The following IL9R variants were observed in gnomAD, a reference collection of about 807,000 sequenced individuals.
IL9R encodes the protein interleukin-9 receptor.
Under a neutral mutation model 56.3 loss-of-function variants are expected in IL9R, and 54 were observed. The observed-to-expected ratio is 0.96, with a 90% CI of 0.77 to 1.20. IL9R has a LOEUF of 1.20. Among genes scored for constraint, IL9R ranks in the 50% most tolerant of loss-of-function variants. The probability of loss-of-function intolerance (pLI) is 0.00; values close to 1 mark genes in which losing one functional copy is unlikely to be tolerated. For synonymous variants in IL9R, 212 were observed against 250.2 expected, an observed-to-expected ratio of 0.85 and a Z score of 1.44; for missense variants, 545 against 629.8, an observed-to-expected ratio of 0.87 and a Z score of 1.44.
In IL9R at chrX:156,002,866, G is replaced by A. The variant is rs374330761; in HGVS notation, c.29-40G>A. The stretch of plus-strand genomic sequence containing the variant: ...TTCATGGGGAGCACCCCTCCAGAGA[G>A]GGATGATTTGCACAGGGCCCTCAGC... On this transcript the variant is annotated intron_variant, in intron 1 of 8. Transcript: ENST00000244174. 8 of 1,612,960 alleles carry A rather than the reference G, an allele frequency of 5.0e-6. No homozygotes were observed. In the South Asian group the frequency reaches 6.6e-5, roughly 13 times the overall value.
chrX:156,000,171 T>C (rs1487760481), intron 1 of IL9R, among the ~76,000 whole-genome samples: 2 of 150,138 alleles, frequency 1.3e-5, no homozygotes. Context: ...CACACATATA[T>C]ATATGCATAA....
chrX:156,000,376 A>C (rs2067436938), intron 1 of IL9R, among the ~76,000 whole-genome samples: 1 of 152,238 alleles, frequency 6.6e-6, no homozygotes, highest in East Asian at 1.9e-4. Context: ...GAAGCAGGGC[A>C]GGCAGGCTAT....
chrX:156,006,206 G>A lies in IL9R; in HGVS notation c.887+18G>A, dbSNP rs2124531198. On this transcript the variant is annotated intron_variant, in intron 7 of 8. Transcript: ENST00000244174. ...TCGCCCAGGTAGGTGGCTGATGTGT[G>A]CGTGTGTGTACATGTGTGAGCGGGC... is the stretch of plus-strand genomic sequence containing the variant. 1 of 928,254 alleles carries A rather than the reference G, an allele frequency of 1.1e-6. No individual in the cohort carries two copies. The highest frequency in any genetic ancestry group is 2.4e-5 in the East Asian group (1 of 41,844). 57.5% of individuals were successfully genotyped at this position (928,254 alleles called of 1,614,324 possible). A position where few individuals can be genotyped will look rare whatever the true frequency, so the allele number is the denominator to read the frequency against.
chrX:156,006,437 G>A (rs751494578), intron 7 of IL9R, among the ~76,000 whole-genome samples: 11 of 149,120 alleles, frequency 7.4e-5, no homozygotes, highest in Non-Finnish European at 8.9e-5. Context: ...GGGAAGGGGG[G>A]TCTGAGGCAG....
chrX:156,002,299 A>G (rs2067584972), intron 1 of IL9R, among the ~76,000 whole-genome samples: 1 of 152,112 alleles, frequency 6.6e-6, no homozygotes, highest in Non-Finnish European at 1.5e-5. Context: ...GCAGTGAGCC[A>G]AGATCACACC....
chrX:155,998,496 T>C (rs2067290761), intron 1 of IL9R, among the ~76,000 whole-genome samples: 1 of 152,078 alleles, frequency 6.6e-6, no homozygotes, highest in Admixed American at 6.5e-5. Context: ...CTTCCTGTGA[T>C]TTATGCTGTT....
chrX:156,002,801 G>C, intron 1 of IL9R, 105 bp from the exon 2 acceptor site: 1 of 1,510,822 alleles, frequency 6.6e-7, no homozygotes, highest in Non-Finnish European at 9.2e-7. Flanking sequence ...CACTGTGTGA[G>C]TGCAGGTGGG....
At chrX:156,000,589 C>G (rs2067452768) in intron 1 of IL9R, among the ~76,000 whole-genome samples, 1 of 152,186 alleles carries the variant, frequency 6.6e-6, no homozygotes, top group South Asian at 2.1e-4. Context: ...GTGGCAGACA[C>G]TGGTTTCCCC....
chrX:156,006,684 C>T (rs914013856), intron 7 of IL9R, among the ~76,000 whole-genome samples: 1 of 151,860 alleles, frequency 6.6e-6, no homozygotes, highest in Non-Finnish European at 1.5e-5. Context: ...GGTTACAAGA[C>T]AGGGTGCAGG....
chrX:156,004,594 G>A (rs747902778), intron 5 of IL9R, 29 bp downstream of exon 5: 1 of 1,610,020 alleles, frequency 6.2e-7, no homozygotes, highest in Non-Finnish European at 8.5e-7. Context: ...TTCCCTGGGG[G>A]CCTCTCTCCT....
At chrX:156,003,952 C>A (rs2067726526) in intron 4 of IL9R, 97 bp downstream of exon 4, 8 of 1,275,110 alleles carry the variant, frequency 6.3e-6, no homozygotes, top group Non-Finnish European at 8.8e-6. Flanking sequence ...GTGAGTGGCC[C>A]AGTGAGTGTT....
intron 1 of IL9R, among the ~76,000 whole-genome samples, chrX:155,999,000 A>G (rs1290654977): frequency 2.6e-5 from 4 of 151,868 alleles, no homozygotes; most frequent in Admixed American, 2.0e-4. Flanking sequence ...GCCCTGGCCC[A>G]TGGCCACTGC....
chrX:156,003,611 C>T lies in IL9R; in HGVS notation c.254+51C>T, dbSNP rs370421646. ...TGGACAGGGATGAGGGTGAGTTCCCCAGGATTGAAGCAGCTATGCCAGGAC... is the reference window on the plus strand; with the variant it reads ...TGGACAGGGATGAGGGTGAGTTCCCTAGGATTGAAGCAGCTATGCCAGGAC... On this transcript the variant is annotated intron_variant, in intron 3 of 8. Transcript: ENST00000244174. 4.3e-6 allele frequency: 7 copies of T among 1,610,496 alleles called. No individual in the cohort carries two copies. In the Admixed American group the frequency reaches 1.2e-4, roughly 27 times the overall value.
chrX:156,009,203 GTGTC>G (rs1424090901), intron 8 of IL9R, among the ~76,000 whole-genome samples: 34 of 142,352 alleles, frequency 2.4e-4, no homozygotes, highest in African/African-American at 9.1e-4. Context: ...GTGTGTGTAT[GTGTC>G]TGTGTGTGTT....
Position 156,010,079 on chromosome X carries a change from C to T in IL9R, c.1236C>T (p.Asp412=), listed in dbSNP as rs1321558308. The T allele has an allele frequency of 1.9e-6, 3 of 1,583,506 alleles. No homozygotes were observed. In the Middle Eastern group the frequency reaches 6.7e-4, roughly 352 times the overall value. ...CGCTTGCCTATCTGCCACAGGAGGA[C>T]TGGGCCCCCACGTCCCTGACTAGGC... ...VQTLAYLPQE[D]WAPTSLTRPA... The change falls in exon 9 of 9, where the codon GAC becomes GAT. Residue 412 remains aspartate, a synonymous_variant. Coordinates refer to ENST00000244174, the MANE Select transcript of IL9R (RefSeq NM_002186.3).
In IL9R at chrX:155,997,811, C is replaced by G. The variant is rs151086743; in HGVS notation, c.28+24C>G. 1,531 of 1,608,506 alleles carry G rather than the reference C, an allele frequency of 9.5e-4. 7 individuals are homozygous for G. Among genetic ancestry groups the G allele is most frequent in the South Asian group, 4.5e-3 (413 of 90,848 alleles). On this transcript the variant is annotated intron_variant, in intron 1 of 8. Transcript: ENST00000244174. ...AGGTGAGTCTGTGCTTTGGGCTTCC[C>G]AACCTCTCAAGTCAGCATGAAATTC...
At chrX:156,006,752 G>A (rs1323399660) in intron 7 of IL9R, among the ~76,000 whole-genome samples, 1 of 151,880 alleles carries the variant, frequency 6.6e-6, no homozygotes, top group Admixed American at 6.6e-5. Context: ...TGTTGGGTGG[G>A]GCTAAGTGGG....
chrX:156,000,497 A>T (rs1253104691), intron 1 of IL9R, among the ~76,000 whole-genome samples: 1 of 152,180 alleles, frequency 6.6e-6, no homozygotes, highest in East Asian at 1.9e-4. Flanking sequence ...CACAGATCCA[A>T]GGCGGGATAG....
In IL9R at chrX:156,002,816, CAT is replaced by C. The variant is rs1251705624; in HGVS notation, c.29-89_29-88del. On this transcript the variant is annotated intron_variant, in intron 1 of 8. Coordinates refer to ENST00000244174, the MANE Select transcript of IL9R (RefSeq NM_002186.3). ...CACTGTGTGAGTGCAGGTGGGGACC[CAT>C]GGAGCACTCTGCTGGGGAGCAATTC... 6.3e-3 allele frequency: 10,073 copies of C among 1,587,500 alleles called. 48 individuals carry two copies. The highest frequency in any genetic ancestry group is 8.2e-3 in the Non-Finnish European group (9,524 of 1,158,156).
Sources: gnomAD v4.1 joint callset for allele counts (sites outside exome capture counted in the v4.1 genomes callset) on GRCh38, gnomAD v4.1.1 for gene constraint, MANE v1.5 for transcripts, NCBI Gene and HGNC (gene_info 2026-07-23, HGNC 2026-07-21) for gene names.